Variants in ROBO2 observed in about 807,000 individuals in gnomAD.
ROBO2 encodes the protein roundabout homolog 2.
Under a neutral mutation model 160.8 loss-of-function variants are expected in ROBO2, and 53 were observed. The ratio of observed to expected loss-of-function variants is 0.33; its 90% CI spans 0.26 to 0.41. The LOEUF (loss-of-function observed/expected upper bound fraction) is 0.41, where lower values mean the gene tolerates loss of function less well. Ranked by LOEUF, ROBO2 falls within the 10% of genes least tolerant of loss-of-function variation. The pLI, the probability that ROBO2 is intolerant of heterozygous loss-of-function variation, is 1.00. For missense variants in ROBO2, 1,577 were observed against 1,722.4 expected (o/e 0.92, Z 1.49); for synonymous variants, 664 against 611.7 (o/e 1.09, Z -1.26).
intron 2 of ROBO2, among the ~76,000 whole-genome samples, chr3:76,732,789 T>A (rs777600532): frequency 6.2e-4 from 94 of 152,308 alleles, no homozygotes; most frequent in Non-Finnish European, 1.2e-3. Context: ...CAACATAATT[T>A]AGCAAACAGA....
At chr3:77,505,451 A>G (rs2088347609) in intron 5 of ROBO2, among the ~76,000 whole-genome samples, 1 of 152,190 alleles carries the variant, frequency 6.6e-6, no homozygotes, top group African/African-American at 2.4e-5. Context: ...GTGTTCAATA[A>G]ATAGAGAAGT....
At chr3:76,136,899 T>G (rs1249815249) in intron 2 of ROBO2, among the ~76,000 whole-genome samples, 1 of 151,988 alleles carries the variant, frequency 6.6e-6, no homozygotes, top group African/African-American at 2.4e-5. Flanking sequence ...TCATAAGAGC[T>G]TCCAAAGTCT....
intron 2 of ROBO2, among the ~76,000 whole-genome samples, chr3:76,123,764 C>T (rs1227506671): frequency 2.0e-5 from 3 of 152,056 alleles, no homozygotes; most frequent in Non-Finnish European, 4.4e-5. Context: ...TTAGTTCACA[C>T]TCTCTGGTGT....
At chr3:75,924,441 C>T (rs1048445608) in intron 1 of ROBO2, among the ~76,000 whole-genome samples, 6 of 151,990 alleles carry the variant, frequency 3.9e-5, no homozygotes, top group Non-Finnish European at 7.4e-5. Context: ...GAATTCTCCC[C>T]TGGAATCTCC....
At chr3:76,667,947 C>T (rs2110133360) in intron 2 of ROBO2, among the ~76,000 whole-genome samples, 1 of 151,952 alleles carries the variant, frequency 6.6e-6, no homozygotes, top group East Asian at 1.9e-4. Context: ...AATTTTTATC[C>T]ATAGATTTTG....
At chr3:76,989,037 C>T (rs1022633052) in intron 2 of ROBO2, among the ~76,000 whole-genome samples, 1 of 152,086 alleles carries the variant, frequency 6.6e-6, no homozygotes, top group African/African-American at 2.4e-5. Context: ...TCTCCCTAAA[C>T]ACCTTCTTAA....
intron 2 of ROBO2, among the ~76,000 whole-genome samples, chr3:77,323,468 T>G (rs989942616): frequency 3.3e-5 from 5 of 152,168 alleles, no homozygotes; most frequent in Non-Finnish European, 5.9e-5. Context: ...GACCTGTTCT[T>G]TCTTCCAAAA....
intron 2 of ROBO2, among the ~76,000 whole-genome samples, chr3:77,205,268 C>A (rs2083313231): frequency 6.6e-6 from 1 of 152,032 alleles, no homozygotes; most frequent in African/African-American, 2.4e-5. Flanking sequence ...GCGGAGGTAG[C>A]TCTCAGTGGG....
intron 2 of ROBO2, among the ~76,000 whole-genome samples, chr3:77,148,159 T>C (rs748166803): frequency 3.3e-5 from 5 of 152,122 alleles, no homozygotes; most frequent in African/African-American, 4.8e-5. Flanking sequence ...TTAAAGGAGG[T>C]AGGTTTGAAA....
intron 2 of ROBO2, among the ~76,000 whole-genome samples, chr3:76,542,813 A>C (rs2082890901): frequency 6.6e-6 from 1 of 152,170 alleles, no homozygotes; most frequent in Non-Finnish European, 1.5e-5. Flanking sequence ...CTGATAATGT[A>C]CTTGCCAAGA....
At chr3:76,745,527 A>G (rs1335206923) in intron 2 of ROBO2, among the ~76,000 whole-genome samples, 1 of 152,076 alleles carries the variant, frequency 6.6e-6, no homozygotes, top group African/African-American at 2.4e-5. Context: ...TTTCCTTCTG[A>G]GCTGTTAGAA....
At chr3:76,881,412 C>T (rs963681038) in intron 2 of ROBO2, among the ~76,000 whole-genome samples, 6 of 152,056 alleles carry the variant, frequency 3.9e-5, no homozygotes, top group Admixed American at 1.3e-4. Context: ...CTATTTCTTG[C>T]GTTTTAAACT....
intron 2 of ROBO2, among the ~76,000 whole-genome samples, chr3:76,185,313 A>G (rs1701710552): frequency 6.6e-6 from 1 of 150,382 alleles, no homozygotes; most frequent in Admixed American, 6.7e-5. Flanking sequence ...TAAAGAAACC[A>G]ATCTATTATC....
chr3:77,624,075 T>G (rs1356614411), intron 23 of ROBO2, among the ~76,000 whole-genome samples: 1 of 152,174 alleles, frequency 6.6e-6, no homozygotes, highest in Non-Finnish European at 1.5e-5. Flanking sequence ...AAAGTCTGGT[T>G]TTCTCCTTGA....
intron 2 of ROBO2, among the ~76,000 whole-genome samples, chr3:76,454,863 C>A (rs1257185519): frequency 6.6e-6 from 1 of 151,926 alleles, no homozygotes; most frequent in East Asian, 1.9e-4. Flanking sequence ...ATATTTATTT[C>A]TTTAAGGAAT....
intron 2 of ROBO2, among the ~76,000 whole-genome samples, chr3:76,383,784 C>T (rs1000909829): frequency 2.0e-4 from 30 of 152,100 alleles, no homozygotes; most frequent in African/African-American, 7.0e-4. Flanking sequence ...CAAATAACCC[C>T]TGACAACAGG....
chr3:76,086,729 G>A (rs755202220), intron 2 of ROBO2, among the ~76,000 whole-genome samples: 5 of 151,938 alleles, frequency 3.3e-5, no homozygotes, highest in Non-Finnish European at 7.4e-5. Context: ...CAAGAAACTT[G>A]GAATTATTAG....
intron 2 of ROBO2, among the ~76,000 whole-genome samples, chr3:76,459,438 T>C (rs2077965808): frequency 6.6e-6 from 1 of 152,144 alleles, no homozygotes; most frequent in Admixed American, 6.5e-5. Context: ...TATCAAAGAG[T>C]TATTTAAAAG....
intron 2 of ROBO2, among the ~76,000 whole-genome samples, chr3:77,450,569 A>G (rs575586745): frequency 2.0e-5 from 3 of 152,126 alleles, no homozygotes; most frequent in Non-Finnish European, 4.4e-5. Context: ...TGGTATATTT[A>G]ATAAATTTCT....
Sources: gnomAD v4.1 joint callset for allele counts (sites outside exome capture counted in the v4.1 genomes callset) on GRCh38, gnomAD v4.1.1 for gene constraint, MANE v1.5 for transcripts, NCBI Gene and HGNC (gene_info 2026-07-23, HGNC 2026-07-21) for gene names.